ROR2: variants seen among roughly 807,000 people sequenced by gnomAD.
ROR2 encodes ROR family WNT receptor 2.
ROR2 carries 33 observed loss-of-function variants against 74.9 expected under a neutral mutation model. The observed-to-expected ratio is 0.44, with a 90% CI of 0.33 to 0.59. The LOEUF (loss-of-function observed/expected upper bound fraction) is 0.59, where lower values mean the gene tolerates loss of function less well. Ranked by LOEUF, ROR2 falls within the 20% of genes least tolerant of loss-of-function variation. ROR2 has a pLI of 0.02. For missense variants in ROR2, 1,216 were observed against 1,313.8 expected (o/e 0.93, Z 1.15); for synonymous variants, 586 against 558.7 (o/e 1.05, Z -0.69).
intron 1 of ROR2, among the ~76,000 whole-genome samples, chr9:91,893,426 T>C (rs1008846362): frequency 1.9e-4 from 28 of 151,200 alleles, no homozygotes; most frequent in Non-Finnish European, 2.9e-5. Context: ...GGTGGCAGAG[T>C]AAGTGTGACT....
At chr9:91,759,495 G>A (rs1484961619) in intron 2 of ROR2, among the ~76,000 whole-genome samples, 1 of 152,164 alleles carries the variant, frequency 6.6e-6, no homozygotes, top group East Asian at 1.9e-4. Flanking sequence ...GCAGGGTAAA[G>A]TTCTGTATGT....
chr9:91,724,705 C>G lies in ROR2; in HGVS notation c.1789G>C (p.Ala597Pro). 6.2e-7 allele frequency: 1 copy of G among 1,614,216 alleles called. No individual in the cohort carries two copies. The highest frequency in any genetic ancestry group is 8.5e-7 in the Non-Finnish European group (1 of 1,180,044). ...LEPPDFVHLV[A>P]QIAAGMEYLS... is the part of the protein sequence containing the mutation. ...TACTCCATCCCCGCCGCGATCTGTGCCACAAGGTGCACGAAGTCGGGGGGC... is the reference window on the plus strand; with the variant it reads ...TACTCCATCCCCGCCGCGATCTGTGGCACAAGGTGCACGAAGTCGGGGGGC... The change falls in exon 9 of 9, where the codon GCA becomes CCA. Residue 597 changes from alanine to proline, a missense_variant. Physicochemically the swap from Ala to Pro is conservative, Grantham distance 27. Coordinates refer to ENST00000375708, the MANE Select transcript of ROR2 (RefSeq NM_004560.4).
At chr9:91,851,929 T>C (rs2119259640) in intron 1 of ROR2, among the ~76,000 whole-genome samples, 1 of 149,222 alleles carries the variant, frequency 6.7e-6, no homozygotes, top group East Asian at 2.0e-4. Context: ...TGAGCCGAGA[T>C]GGCACCATTG....
chr9:91,933,309 G>C (rs1408954729), intron 1 of ROR2, among the ~76,000 whole-genome samples: 1 of 152,010 alleles, frequency 6.6e-6, no homozygotes, highest in East Asian at 1.9e-4. Flanking sequence ...GGGCCAGACT[G>C]TCTCAAAAAA....
In ROR2 at chr9:91,847,035, A is replaced by G. The variant is rs140531513; in HGVS notation, c.98-71217T>C. Among the ~76,000 whole-genome samples the G allele has an allele frequency of 2.6e-5, 4 of 152,282 alleles. No homozygotes were observed. In the East Asian group the frequency reaches 7.7e-4, roughly 29 times the overall value. ...ACATCACAAGCTGAGGGAACAGCAC[A>G]TGCAAAGGCTCACAGACACAAATGG... On this transcript the variant is annotated intron_variant, in intron 1 of 8. Transcript: ENST00000375708.
chr9:91,875,070 G>A (rs1383291432), intron 1 of ROR2, among the ~76,000 whole-genome samples: 2 of 152,172 alleles, frequency 1.3e-5, no homozygotes, highest in African/African-American at 2.4e-5. Context: ...TTTAACATAT[G>A]GGTGGATCAT....
rs370231603 is a variant in ROR2, at chr9:91,733,270, C to T, written c.789G>A (p.Leu263=). The T allele has an allele frequency of 3.7e-6, 6 of 1,613,004 alleles. No homozygotes were observed. In the Admixed American group the frequency reaches 1.0e-4, roughly 27 times the overall value. ...GGGCGATGGTGTACTCCTGGCGGCACAGGTCGCTCTCCAGCACCTCGCACT... is the reference window on the plus strand; with the variant it reads ...GGGCGATGGTGTACTCCTGGCGGCATAGGTCGCTCTCCAGCACCTCGCACT... The part of the protein sequence containing the change: ...RDECEVLESD[L]CRQEYTIARS... The change falls in exon 6 of 9, where the codon CTG becomes CTA. Residue 263 remains leucine, a synonymous_variant. Transcript: ENST00000375708. This position sits in a 1 kb window ranked among gnomAD's most constrained non-coding sequence, Gnocchi z 5.7.
chr9:91,948,481 G>C (rs1832071107), intron 1 of ROR2: 3 of 745,278 alleles, frequency 4.0e-6, no homozygotes, highest in Non-Finnish European at 4.9e-6. Flanking sequence ...ATGCTTTAAT[G>C]CACAGTGAGA....
chr9:91,730,098 A>C (rs546725454), intron 7 of ROR2, among the ~76,000 whole-genome samples: 97 of 152,222 alleles, frequency 6.4e-4, no homozygotes, highest in African/African-American at 2.1e-3. Context: ...GTGTGCCACC[A>C]CGCCTGGACA....
intron 1 of ROR2, among the ~76,000 whole-genome samples, chr9:91,863,455 TATAGATAGATAG>T (rs556240848): frequency 2.0e-5 from 3 of 151,996 alleles, no homozygotes; most frequent in Non-Finnish European, 4.4e-5. Context: ...CCCCACTGTC[TATAGATAGATAG>T]ATAGATAGAT....
chr9:91,778,136 C>A (rs1479781992), intron 1 of ROR2, among the ~76,000 whole-genome samples: 1 of 152,254 alleles, frequency 6.6e-6, no homozygotes, highest in Non-Finnish European at 1.5e-5. Flanking sequence ...CATGCCCTCA[C>A]TCCTGCTGCA....
chr9:91,803,146 G>A (rs566505144), intron 1 of ROR2, among the ~76,000 whole-genome samples: 13 of 152,258 alleles, frequency 8.5e-5, no homozygotes, highest in East Asian at 5.8e-4. Flanking sequence ...TTACAAAGAC[G>A]GGGAGGCAAC....
At chr9:91,884,849 C>T (rs1196766297) in intron 1 of ROR2, among the ~76,000 whole-genome samples, 5 of 151,980 alleles carry the variant, frequency 3.3e-5, no homozygotes, top group Non-Finnish European at 5.9e-5. Flanking sequence ...AGTCCAAAAA[C>T]GCTTTGAGGC....
rs140431971 is a variant in ROR2, at chr9:91,796,262, CA to C, written c.98-20445del. 4.3e-3 allele frequency among the ~76,000 whole-genome samples: 655 copies of C among 151,992 alleles called. 29 individuals are homozygous for C. The East Asian group carries it at 0.1, about 24-fold the overall frequency. On this transcript the variant is annotated intron_variant, in intron 1 of 8. Coordinates refer to ENST00000375708, the MANE Select transcript of ROR2 (RefSeq NM_004560.4). ...TTTGAGACCAGCTTGGGCAACATGG[CA>C]AAACCTCATCTCTACAAAAATTAGC...
At chr9:91,942,392 T>C (rs1423937008) in intron 1 of ROR2, among the ~76,000 whole-genome samples, 1 of 152,182 alleles carries the variant, frequency 6.6e-6, no homozygotes, top group African/African-American at 2.4e-5. Flanking sequence ...GGGGAAATCC[T>C]TTGAGACCAC....
chr9:91,725,416 GAC>G (rs756104572), intron 8 of ROR2, among the ~76,000 whole-genome samples: 40 of 151,964 alleles, frequency 2.6e-4, no homozygotes, highest in Middle Eastern at 3.4e-3. Context: ...TGCATGTGTG[GAC>G]ACACACACAC....
intron 1 of ROR2, among the ~76,000 whole-genome samples, chr9:91,911,364 T>C (rs1328029261): frequency 1.3e-5 from 2 of 152,230 alleles, no homozygotes; most frequent in South Asian, 2.1e-4. Flanking sequence ...CTGTACAGCA[T>C]GTGACTGTAC....
intron 4 of ROR2, among the ~76,000 whole-genome samples, chr9:91,738,542 C>T (rs1224200103): frequency 2.6e-5 from 4 of 152,148 alleles, no homozygotes; most frequent in African/African-American, 7.2e-5. Context: ...TGTTTGCAAA[C>T]AAGGCTTTTA....
intron 1 of ROR2, among the ~76,000 whole-genome samples, chr9:91,798,613 G>A (rs1827267855): frequency 7.8e-6 from 1 of 128,060 alleles, no homozygotes; most frequent in African/African-American, 3.5e-5. Context: ...CTCTGTGGGT[G>A]GGGAATGACA....
Sources: allele counts gnomAD v4.1 joint callset (sites outside exome capture counted in the v4.1 genomes callset), GRCh38; gene constraint gnomAD v4.1.1; non-coding constraint Gnocchi (gnomAD v3.1); transcripts MANE v1.5; gene names NCBI Gene and HGNC (gene_info 2026-07-23, HGNC 2026-07-21).